The following PAPPA2 variants were observed in gnomAD, a reference collection of about 807,000 sequenced individuals.
PAPPA2 encodes pappalysin 2.
PAPPA2 carries 86 observed loss-of-function variants against 176.4 expected under a neutral mutation model. The ratio of observed to expected loss-of-function variants is 0.49; its 90% CI spans 0.41 to 0.58. The LOEUF (loss-of-function observed/expected upper bound fraction) is 0.58. Ranked by LOEUF, PAPPA2 falls within the 20% of genes least tolerant of loss-of-function variation. The pLI is 0.00. For missense variants in PAPPA2, 2,073 were observed against 2,256.9 expected (o/e 0.92, Z 1.65); for synonymous variants, 809 against 852.2 (o/e 0.95, Z 0.88).
intron 1 of PAPPA2, among the ~76,000 whole-genome samples, chr1:176,483,897 A>C (rs1160809312): frequency 6.6e-6 from 1 of 152,130 alleles, no homozygotes; most frequent in East Asian, 1.9e-4. Context: ...AGGGCTTTCC[A>C]CCCTGTGAAC....
At chr1:176,498,257 C>T (rs961209768) in intron 1 of PAPPA2, among the ~76,000 whole-genome samples, 13 of 152,184 alleles carry the variant, frequency 8.5e-5, no homozygotes, top group South Asian at 8.3e-4. Context: ...GGGCATAGCA[C>T]TCTCCTCTTC....
At chr1:176,551,822 G>C (rs75321216) in intron 1 of PAPPA2, among the ~76,000 whole-genome samples, 22 of 152,166 alleles carry the variant, frequency 1.4e-4, no homozygotes, top group East Asian at 5.8e-4. Context: ...GGTTTCTTTA[G>C]GGGGGTGGGT....
chr1:176,523,570 C>A (rs1170575562), intron 1 of PAPPA2, among the ~76,000 whole-genome samples: 1 of 152,148 alleles, frequency 6.6e-6, no homozygotes, highest in Non-Finnish European at 1.5e-5. Flanking sequence ...TTTTTTTAAA[C>A]AATTTTTCTA....
chr1:176,774,642 C>T (rs1664373278), intron 17 of PAPPA2, among the ~76,000 whole-genome samples: 1 of 152,136 alleles, frequency 6.6e-6, no homozygotes, highest in Non-Finnish European at 1.5e-5. Flanking sequence ...CTTTCTGTCT[C>T]CAGTCTTTTC....
At position 176,483,865 on chromosome 1, in the gene PAPPA2, G is replaced by A. The variant is rs146380443; in HGVS notation, c.-917+20447G>A. Among the ~76,000 whole-genome samples the A allele has an allele frequency of 3.9e-4, 59 of 152,236 alleles. No individual in the cohort carries two copies. In the East Asian group the frequency reaches 6.8e-3, roughly 17 times the overall value. ...AGGGAATGGGGAGAAGCTGCAACTC[G>A]TCCACAATGGCTCCTGAGGGGAGGG... On this transcript the variant is annotated intron_variant, in intron 1 of 22. Transcript: ENST00000367662.
chr1:176,686,305 C>A (rs1021781197), intron 4 of PAPPA2, among the ~76,000 whole-genome samples: 2 of 152,024 alleles, frequency 1.3e-5, no homozygotes, highest in Non-Finnish European at 2.9e-5. Context: ...CACAGTGGGG[C>A]AGGAAAGAAA....
At chr1:176,701,643 G>A (rs1353538081) in intron 8 of PAPPA2, among the ~76,000 whole-genome samples, 1 of 152,130 alleles carries the variant, frequency 6.6e-6, no homozygotes, top group East Asian at 1.9e-4. Context: ...CTGAGGGAGT[G>A]GAGGCTTTGT....
At chr1:176,526,622 G>A (rs1478547869) in intron 1 of PAPPA2, among the ~76,000 whole-genome samples, 3 of 152,162 alleles carry the variant, frequency 2.0e-5, no homozygotes, top group African/African-American at 4.8e-5. Context: ...CTGAGGTTTC[G>A]GGGTGATTTG....
At chr1:176,477,076 G>A (rs1230050195) in intron 1 of PAPPA2, among the ~76,000 whole-genome samples, 2 of 152,164 alleles carry the variant, frequency 1.3e-5, no homozygotes, top group African/African-American at 4.8e-5. Context: ...TTCAAGGGAA[G>A]CCTTTCAATC....
At chr1:176,776,997 C>G (rs1209430364) in intron 17 of PAPPA2, among the ~76,000 whole-genome samples, 2 of 151,982 alleles carry the variant, frequency 1.3e-5, no homozygotes, top group Admixed American at 1.3e-4. Context: ...GGATGAAAAC[C>G]ATTCTGACTC....
At chr1:176,829,629 T>G (rs1476316844) in intron 21 of PAPPA2, among the ~76,000 whole-genome samples, 2 of 152,238 alleles carry the variant, frequency 1.3e-5, no homozygotes, top group Non-Finnish European at 2.9e-5. Context: ...GTCCCGGGCC[T>G]TCTTGTGGGG....
At chr1:176,495,891 C>T (rs1647585605) in intron 1 of PAPPA2, among the ~76,000 whole-genome samples, 2 of 151,944 alleles carry the variant, frequency 1.3e-5, no homozygotes, top group Admixed American at 1.3e-4. Context: ...CTCCATCTTC[C>T]TGAGTAGATG....
At chr1:176,623,114 G>C (rs1234258879) in intron 3 of PAPPA2, among the ~76,000 whole-genome samples, 2 of 152,124 alleles carry the variant, frequency 1.3e-5, no homozygotes, top group African/African-American at 2.4e-5. Flanking sequence ...AATTTGGAAA[G>C]ACACATTCAG....
At chr1:176,668,430 A>G (rs1043367431) in intron 3 of PAPPA2, among the ~76,000 whole-genome samples, 2 of 152,176 alleles carry the variant, frequency 1.3e-5, no homozygotes, top group Admixed American at 1.3e-4. Flanking sequence ...ATATTAAGCT[A>G]ATTTGAATGG....
chr1:176,549,929 A>T (rs1415128209), intron 1 of PAPPA2, among the ~76,000 whole-genome samples: 1 of 152,226 alleles, frequency 6.6e-6, no homozygotes, highest in African/African-American at 2.4e-5. Context: ...GCATACAGTC[A>T]TGCATCATCA....
At chr1:176,779,558 ATCT>A (rs1664624601) in intron 17 of PAPPA2, among the ~76,000 whole-genome samples, 1 of 151,478 alleles carries the variant, frequency 6.6e-6, no homozygotes, top group Non-Finnish European at 1.5e-5. Flanking sequence ...GGCTGAGCAG[ATCT>A]TCTGATCATC....
At chr1:176,579,099 C>A (rs2102625282) in intron 2 of PAPPA2, among the ~76,000 whole-genome samples, 1 of 152,234 alleles carries the variant, frequency 6.6e-6, no homozygotes, top group Non-Finnish European at 1.5e-5. Flanking sequence ...CTGTCAAAAC[C>A]CACAGACAGA....
chr1:176,617,854 C>T (rs1655359763), intron 3 of PAPPA2, among the ~76,000 whole-genome samples: 1 of 152,074 alleles, frequency 6.6e-6, no homozygotes, highest in South Asian at 2.1e-4. Flanking sequence ...AACTGTGGTG[C>T]ATGGAGAAGG....
intron 14 of PAPPA2, among the ~76,000 whole-genome samples, chr1:176,752,716 T>C (rs1187857843): frequency 6.6e-6 from 1 of 152,192 alleles, no homozygotes; most frequent in Non-Finnish European, 1.5e-5. Context: ...AAATCAACAA[T>C]TAGTCATCCA....
Sources: gnomAD v4.1 joint callset for allele counts (sites outside exome capture counted in the v4.1 genomes callset) on GRCh38, gnomAD v4.1.1 for gene constraint, MANE v1.5 for transcripts, NCBI Gene and HGNC (gene_info 2026-07-23, HGNC 2026-07-21) for gene names.